RBM20: variants seen among roughly 807,000 people sequenced by gnomAD.
The protein encoded by RBM20 is RNA binding motif protein 20, also known as RNA-binding protein 20.
In RBM20, 51 loss-of-function variants were observed where a neutral mutation model predicts 110.1. That is an observed-to-expected ratio of 0.46 (90% CI 0.37 to 0.59). The LOEUF (loss-of-function observed/expected upper bound fraction) is 0.59. RBM20 is among the 20% of genes least tolerant of loss of function. RBM20 has a pLI of 0.00. For synonymous variants in RBM20, 589 were observed against 618.2 expected (o/e 0.95, Z 0.70); for missense variants, 1,512 against 1,574.9 (o/e 0.96, Z 0.68).
In RBM20 at chr10:110,837,342, G is replaced by T. The variant is rs1249135876; in HGVS notation, c.*1364G>T. 6.6e-6 allele frequency: 1 copy of T among 152,222 alleles called. No homozygotes were observed. The highest frequency in any genetic ancestry group is 2.4e-5 in the African/African-American group (1 of 41,444). 9.4% of individuals were successfully genotyped at this position (152,222 alleles called of 1,614,324 possible). On this transcript the variant is annotated 3_prime_UTR_variant, in exon 14 of 14. Transcript: ENST00000369519. ...GAAAGGGTGTGGGATAAAGGTGCTG[G>T]GGGAAATGAGGCTCTGCCACAGCCA...
chr10:110,730,863 C>T (rs1843613557), intron 1 of RBM20, among the ~76,000 whole-genome samples: 1 of 152,184 alleles, frequency 6.6e-6, no homozygotes, highest in South Asian at 2.1e-4. Context: ...AGGGAGGCAT[C>T]CTTCCTGGTT....
intron 1 of RBM20, among the ~76,000 whole-genome samples, chr10:110,652,856 C>T (rs1475544373): frequency 6.6e-6 from 1 of 152,210 alleles, no homozygotes; most frequent in Admixed American, 6.5e-5. Context: ...CTCACTTCCC[C>T]TAAGAGGGTT....
At chr10:110,702,979 G>T (rs1364816764) in intron 1 of RBM20, among the ~76,000 whole-genome samples, 2 of 142,350 alleles carry the variant, frequency 1.4e-5, no homozygotes, top group Non-Finnish European at 1.5e-5. Flanking sequence ...TTTGGGGTGG[G>T]TTTTTTTTCT....
chr10:110,669,523 T>G (rs1014811782), intron 1 of RBM20, among the ~76,000 whole-genome samples: 18 of 152,256 alleles, frequency 1.2e-4, no homozygotes, highest in Non-Finnish European at 2.2e-4. Flanking sequence ...TGGATTCAAT[T>G]ACAACACTTG....
rs397516603 is a variant in RBM20 at position 110,820,081 on chromosome 10, GAGGAAC to G, written c.2565_2570del (p.Gln856_Glu857del). 53 of 1,549,064 alleles carry G rather than the reference GAGGAAC, an allele frequency of 3.4e-5. No homozygotes were observed. The East Asian group carries it at 1.1e-3, about 34-fold the overall frequency. Reference sequence around the variant, plus strand: ...TTCTTCCTTTGATAAGGCTGGAAAAGAGGAACAGGAGGGCATGGAAGAAAGCCCTCA... The same window carrying G: ...TTCTTCCTTTGATAAGGCTGGAAAAGAGGAGGGCATGGAAGAAAGCCCTCA... On this transcript the variant is annotated inframe_deletion, in exon 10 of 14. Coordinates refer to ENST00000369519, the MANE Select transcript of RBM20 (RefSeq NM_001134363.3).
intron 1 of RBM20, among the ~76,000 whole-genome samples, chr10:110,779,523 C>G (rs1005584226): frequency 1.3e-5 from 2 of 152,232 alleles, no homozygotes; most frequent in African/African-American, 4.8e-5. Flanking sequence ...GGGAGCCTCT[C>G]TAGCAAATTA....
rs200017525 is a variant in RBM20, at chr10:110,795,599, CT to C, written c.1528-1908del. Among the ~76,000 whole-genome samples the C allele has an allele frequency of 5.2e-3, 790 of 152,330 alleles. 3 individuals carry two copies. The highest frequency in any genetic ancestry group is 0.017 in the Middle Eastern group (5 of 294). ...AGGGGTGACATCTTAGACTTTCCCC[CT>C]GTATTACCTTAGCAGAGTCGGCCCC... On this transcript the variant is annotated intron_variant, in intron 5 of 13. Coordinates refer to ENST00000369519, the MANE Select transcript of RBM20 (RefSeq NM_001134363.3).
chr10:110,744,692 A>G (rs376311254), intron 1 of RBM20, among the ~76,000 whole-genome samples: 5 of 152,354 alleles, frequency 3.3e-5, no homozygotes, highest in African/African-American at 4.8e-5. Flanking sequence ...GCCAGTCCCT[A>G]TTTCATTTCA....
At chr10:110,835,808 C>T in intron 13 of RBM20, 60 bp from the exon 14 acceptor site, 6 of 1,507,022 alleles carry the variant, frequency 4.0e-6, no homozygotes, top group Non-Finnish European at 5.4e-6. Flanking sequence ...CGCTCCTCTC[C>T]TCTCCATCTA....
chr10:110,651,580 C>G (rs1335637043), intron 1 of RBM20, among the ~76,000 whole-genome samples: 1 of 152,094 alleles, frequency 6.6e-6, no homozygotes, highest in African/African-American at 2.4e-5. Flanking sequence ...TAAACACAGG[C>G]CAACAGGAGT....
chr10:110,703,980 T>C (rs1862797491), intron 1 of RBM20, among the ~76,000 whole-genome samples: 1 of 152,084 alleles, frequency 6.6e-6, no homozygotes, highest in Admixed American at 6.5e-5. Context: ...GTTGTGGTGG[T>C]GTGCACCTGT....
rs60697105 is a variant in RBM20 at position 110,809,218 on chromosome 10, T to TAAAAAAAAAAAAAAAAAAAAAAAAAAA, written c.1801-1151_1801-1150insAAAAAAAAAAAAAAAAAAAAAAAAAAA. Among the ~76,000 whole-genome samples, 86 of 60,608 alleles carry TAAAAAAAAAAAAAAAAAAAAAAAAAAA rather than the reference T, an allele frequency of 1.4e-3. 9 individuals carry two copies. The highest frequency in any genetic ancestry group is 4.0e-3 in the East Asian group (5 of 1,240). 39.8% of individuals were successfully genotyped at this position (60,608 alleles called of 152,430 possible). On this transcript the variant is annotated intron_variant, in intron 7 of 13. Coordinates refer to ENST00000369519, the MANE Select transcript of RBM20 (RefSeq NM_001134363.3). ...AGTGACAGAGCAAGACCCCGTTTCT[T>TAAAAAAAAAAAAAAAAAAAAAAAAAAA]AAAAAAAAAAAAAATTGCATGATTC...
At chr10:110,720,679 T>C (rs145061545) in intron 1 of RBM20, among the ~76,000 whole-genome samples, 68 of 87,662 alleles carry the variant, frequency 7.8e-4, no homozygotes, top group Non-Finnish European at 4.6e-4. Flanking sequence ...ACCCTCATCC[T>C]TGCAGTGTCC....
chr10:110,645,253 T>G (rs1245210689), intron 1 of RBM20, among the ~76,000 whole-genome samples: 1 of 152,176 alleles, frequency 6.6e-6, no homozygotes, highest in Non-Finnish European at 1.5e-5. Flanking sequence ...AATTCTCAGG[T>G]CGGCCTTCCC....
At chr10:110,777,763 C>T (rs1844286492) in intron 1 of RBM20, among the ~76,000 whole-genome samples, 1 of 152,194 alleles carries the variant, frequency 6.6e-6, no homozygotes, top group Non-Finnish European at 1.5e-5. Flanking sequence ...AGAGCTCCCT[C>T]CTGCCCAGAA....
At chr10:110,738,413 G>T (rs1034006360) in intron 1 of RBM20, among the ~76,000 whole-genome samples, 5 of 152,124 alleles carry the variant, frequency 3.3e-5, no homozygotes, top group Non-Finnish European at 7.4e-5. Flanking sequence ...ATGTTCCCAC[G>T]ATGAGGTGGT....
intron 1 of RBM20, among the ~76,000 whole-genome samples, chr10:110,744,879 T>G (rs999980477): frequency 1.3e-5 from 2 of 152,218 alleles, no homozygotes; most frequent in Non-Finnish European, 2.9e-5. Context: ...GCGGCCACCA[T>G]GTGGGTCAAG....
At chr10:110,801,233 C>T (rs1482607242) in intron 7 of RBM20, among the ~76,000 whole-genome samples, 1 of 152,006 alleles carries the variant, frequency 6.6e-6, no homozygotes, top group East Asian at 1.9e-4. Flanking sequence ...TCAAGAGCAG[C>T]CTGGCCAACA....
chr10:110,767,817 G>A (rs372678635), intron 1 of RBM20, among the ~76,000 whole-genome samples: 2 of 151,814 alleles, frequency 1.3e-5, no homozygotes, highest in Non-Finnish European at 2.9e-5. Context: ...GGATGGCGGC[G>A]GGGCAGAGAC....
Sources: gnomAD v4.1 joint callset for allele counts (sites outside exome capture counted in the v4.1 genomes callset) on GRCh38, gnomAD v4.1.1 for gene constraint, MANE v1.5 for transcripts, NCBI Gene and HGNC (gene_info 2026-07-23, HGNC 2026-07-21) for gene names.